Variants in MALRD1 observed in about 807,000 individuals in gnomAD.
MALRD1 encodes the protein MAM and LDL receptor class A domain containing 1, also known as MAM and LDL-receptor class A domain-containing protein 1.
Under a neutral mutation model 242.1 loss-of-function variants are expected in MALRD1, and 247 were observed. The observed-to-expected ratio is 1.02, with a 90% CI of 0.92 to 1.13. The LOEUF is 1.13. MALRD1 is among the 50% of genes most tolerant of loss of function. MALRD1 has a pLI of 0.00. For synonymous variants in MALRD1, 995 were observed against 866.6 expected (o/e 1.15, Z -2.60); for missense variants, 2,989 against 2,533.1 (o/e 1.18, Z -3.86).
intron 28 of MALRD1, among the ~76,000 whole-genome samples, chr10:19,390,015 C>T (rs983566416): frequency 2.0e-5 from 3 of 152,030 alleles, no homozygotes; most frequent in African/African-American, 7.2e-5. Flanking sequence ...AGAGAAGGCC[C>T]CCTGTTTTTC....
At chr10:19,545,334 C>T (rs1457560394) in intron 32 of MALRD1, among the ~76,000 whole-genome samples, 4 of 152,130 alleles carry the variant, frequency 2.6e-5, no homozygotes, top group African/African-American at 9.7e-5. Context: ...TAGGGGAATA[C>T]ATTCATCCTG....
At chr10:19,140,639 G>T (rs971733154) in intron 10 of MALRD1, among the ~76,000 whole-genome samples, 2 of 151,828 alleles carry the variant, frequency 1.3e-5, no homozygotes, top group Non-Finnish European at 2.9e-5. Flanking sequence ...CTTCCTATTT[G>T]TGACAATGAT....
intron 36 of MALRD1, among the ~76,000 whole-genome samples, chr10:19,625,356 A>G (rs10827679): frequency 0.058 from 8,898 of 152,108 alleles, 325 homozygotes; most frequent in Middle Eastern, 0.11. Flanking sequence ...TGTTCCTATG[A>G]AAATTCATAT....
intron 21 of MALRD1, among the ~76,000 whole-genome samples, chr10:19,316,019 G>A (rs893429994): frequency 1.3e-5 from 2 of 149,944 alleles, no homozygotes; most frequent in African/African-American, 4.9e-5. Context: ...AATAAATCAT[G>A]CACTTTTATT....
At chr10:19,592,678 G>A (rs960743834) in intron 33 of MALRD1, among the ~76,000 whole-genome samples, 1 of 150,952 alleles carries the variant, frequency 6.6e-6, no homozygotes, top group Non-Finnish European at 1.5e-5. Flanking sequence ...GCCTACCTCC[G>A]AAAGGAGAAA....
chr10:19,227,994 C>T (rs777954975), intron 18 of MALRD1, among the ~76,000 whole-genome samples: 4 of 152,148 alleles, frequency 2.6e-5, no homozygotes, highest in Non-Finnish European at 5.9e-5. Flanking sequence ...GCTATTCACA[C>T]CTGGCTAGTG....
chr10:19,258,586 C>T (rs567761492), intron 19 of MALRD1, among the ~76,000 whole-genome samples: 33 of 152,252 alleles, frequency 2.2e-4, no homozygotes, highest in Non-Finnish European at 4.6e-4. Flanking sequence ...CACTGGTCTG[C>T]GGAGCACCAG....
intron 26 of MALRD1, among the ~76,000 whole-genome samples, chr10:19,371,775 A>T (rs1212060859): frequency 6.6e-6 from 1 of 152,236 alleles, no homozygotes; most frequent in East Asian, 1.9e-4. Flanking sequence ...GGTGTATATG[A>T]AACATTTGTA....
At chr10:19,552,694 A>G (rs1309541009) in intron 32 of MALRD1, among the ~76,000 whole-genome samples, 1 of 150,890 alleles carries the variant, frequency 6.6e-6, no homozygotes, top group African/African-American at 2.4e-5. Flanking sequence ...TGATTATCGT[A>G]GAAATATTTT....
At chr10:19,584,544 T>A (rs1158476925) in intron 33 of MALRD1, among the ~76,000 whole-genome samples, 25 of 152,068 alleles carry the variant, frequency 1.6e-4, no homozygotes, top group South Asian at 4.2e-4. Flanking sequence ...TTTGAGTGAG[T>A]TTCTTAATCC....
At position 19,444,427 on chromosome 10, in the gene MALRD1, G is replaced by GT. The variant is rs547868248; in HGVS notation, c.4846-5875dup. ...ATCGATGGTCTTTACAATTTGGCAT[G>GT]TTTTTGCAGTGCCTGGTACCAGTCG... is the stretch of plus-strand genomic sequence containing the variant. On this transcript the variant is annotated intron_variant, in intron 28 of 39. Transcript: ENST00000454679. Among the ~76,000 whole-genome samples the GT allele has an allele frequency of 2.6e-3, 399 of 152,322 alleles. 2 individuals are homozygous for GT. The highest frequency in any genetic ancestry group is 8.9e-3 in the African/African-American group (371 of 41,564).
At chr10:19,652,027 C>A (rs1200189099) in intron 36 of MALRD1, among the ~76,000 whole-genome samples, 2 of 152,154 alleles carry the variant, frequency 1.3e-5, no homozygotes, top group Non-Finnish European at 2.9e-5. Flanking sequence ...TAGGGCTAGC[C>A]TTGGGGCGAT....
intron 31 of MALRD1, among the ~76,000 whole-genome samples, chr10:19,513,315 T>C (rs1009161949): frequency 1.3e-5 from 2 of 152,066 alleles, no homozygotes; most frequent in African/African-American, 2.4e-5. Flanking sequence ...TCTAACAGGT[T>C]CCCTTTTTCC....
At chr10:19,283,303 A>G (rs1840913980) in intron 21 of MALRD1, 122 bp downstream of exon 21, 1 of 830,140 alleles carries the variant, frequency 1.2e-6, no homozygotes, top group Non-Finnish European at 1.6e-6. Context: ...TTAAGTTGAA[A>G]AGGAGGCTGT....
chr10:19,655,995 C>T (rs538450545), intron 36 of MALRD1, among the ~76,000 whole-genome samples: 68 of 152,204 alleles, frequency 4.5e-4, no homozygotes, highest in African/African-American at 1.6e-3. Context: ...TCAATATTCT[C>T]ATATATAAAT....
chr10:19,563,002 A>C (rs1373448757), intron 32 of MALRD1, among the ~76,000 whole-genome samples: 1 of 152,176 alleles, frequency 6.6e-6, no homozygotes, highest in African/African-American at 2.4e-5. Flanking sequence ...GGATCTAAAA[A>C]TAGTTGTTGA....
At chr10:19,115,123 A>G (rs1009039181) in intron 5 of MALRD1, among the ~76,000 whole-genome samples, 3 of 152,178 alleles carry the variant, frequency 2.0e-5, no homozygotes, top group African/African-American at 7.2e-5. Flanking sequence ...AACAGCTTCT[A>G]TGTTCTAGGG....
chr10:19,222,677 C>T (rs887042220), intron 18 of MALRD1, among the ~76,000 whole-genome samples: 2 of 152,224 alleles, frequency 1.3e-5, no homozygotes, highest in East Asian at 3.9e-4. Context: ...CTAGCAGTGA[C>T]CTCTGAAATG....
chr10:19,592,799 A>G (rs1053532287), intron 33 of MALRD1, among the ~76,000 whole-genome samples: 17 of 151,484 alleles, frequency 1.1e-4, no homozygotes, highest in East Asian at 5.8e-4. Flanking sequence ...ACCATTCTGA[A>G]TAGGAACTGG....
Sources: gnomAD v4.1 joint callset for allele counts (sites outside exome capture counted in the v4.1 genomes callset) on GRCh38, gnomAD v4.1.1 for gene constraint, MANE v1.5 for transcripts, NCBI Gene and HGNC (gene_info 2026-07-23, HGNC 2026-07-21) for gene names.